Variants in MIPEP observed in about 807,000 individuals in gnomAD.
MIPEP encodes mitochondrial intermediate peptidase.
Under a neutral mutation model 90.3 loss-of-function variants are expected in MIPEP, and 79 were observed. The observed-to-expected ratio is 0.87, with a 90% confidence interval of 0.73 to 1.05. MIPEP has a LOEUF of 1.05. Among genes scored for constraint, MIPEP ranks in the 50% least tolerant of loss-of-function variants. The pLI, the probability that MIPEP is intolerant of heterozygous loss-of-function variation, is 0.00. For missense variants in MIPEP, 940 were observed against 905.6 expected (o/e 1.04, Z -0.49); for synonymous variants, 334 against 315.8 (o/e 1.06, Z -0.61).
chr13:23,784,169 C>T (rs528320836), intron 16 of MIPEP, among the ~76,000 whole-genome samples: 4 of 152,030 alleles, frequency 2.6e-5, no homozygotes, highest in South Asian at 4.2e-4. Flanking sequence ...AAAAAGAGCC[C>T]GCATTGCCAA....
intron 16 of MIPEP, among the ~76,000 whole-genome samples, chr13:23,781,938 C>T (rs2137362593): frequency 6.6e-6 from 1 of 152,268 alleles, no homozygotes; most frequent in African/African-American, 2.4e-5. Context: ...AATACAGGAG[C>T]ACCCAGATTC....
At chr13:23,737,947 T>C (rs1222241982) in intron 18 of MIPEP, among the ~76,000 whole-genome samples, 6 of 152,220 alleles carry the variant, frequency 3.9e-5, no homozygotes, top group Admixed American at 3.9e-4. Context: ...ATTTTATATA[T>C]TGCTTGACAC....
At chr13:23,740,510 A>T (rs1484117004) in intron 18 of MIPEP, among the ~76,000 whole-genome samples, 19 of 147,070 alleles carry the variant, frequency 1.3e-4, no homozygotes, top group Admixed American at 1.0e-3. Context: ...CCAGTTGATT[A>T]AAAAAAAAAA....
intron 16 of MIPEP, among the ~76,000 whole-genome samples, chr13:23,785,923 C>T (rs568297542): frequency 1.1e-4 from 16 of 152,174 alleles, no homozygotes; most frequent in Non-Finnish European, 1.8e-4. Context: ...CGAATTATAA[C>T]GATGTAGAGA....
intron 16 of MIPEP, among the ~76,000 whole-genome samples, chr13:23,792,931 G>A (rs938247760): frequency 1.3e-5 from 2 of 152,198 alleles, no homozygotes; most frequent in Non-Finnish European, 1.5e-5. Context: ...CTCCAGAATG[G>A]CTGAAGTAAA....
chr13:23,799,000 G>GTTTTTTTTTTTT (rs765292524), intron 16 of MIPEP, among the ~76,000 whole-genome samples: 3 of 88,904 alleles, frequency 3.4e-5, no homozygotes, highest in African/African-American at 4.7e-5. Context: ...AATTTTTTTG[G>GTTTTTTTTTTTT]TTTTTTTTTT....
intron 3 of MIPEP, among the ~76,000 whole-genome samples, chr13:23,880,560 T>C (rs888953873): frequency 1.3e-5 from 2 of 152,222 alleles, no homozygotes; most frequent in Non-Finnish European, 2.9e-5. Flanking sequence ...GGACACAGCA[T>C]GCAGAGAGCC....
chr13:23,745,352 C>A (rs940767541), intron 18 of MIPEP, among the ~76,000 whole-genome samples: 6 of 152,090 alleles, frequency 3.9e-5, no homozygotes, highest in Non-Finnish European at 7.4e-5. Context: ...CATAAACAAA[C>A]ACCAGAAGAT....
At chr13:23,792,184 T>C (rs566893653) in intron 16 of MIPEP, among the ~76,000 whole-genome samples, 1 of 152,290 alleles carries the variant, frequency 6.6e-6, no homozygotes, top group Admixed American at 6.5e-5. Context: ...ACTCTTGGGG[T>C]TGATCTCACC....
intron 18 of MIPEP, among the ~76,000 whole-genome samples, chr13:23,733,433 G>T (rs1277433670): frequency 2.0e-5 from 3 of 152,220 alleles, no homozygotes; most frequent in Non-Finnish European, 1.5e-5. Context: ...CTGAACCAGG[G>T]CAACCAACAG....
chr13:23,765,199 T>G (rs773476612), intron 16 of MIPEP, among the ~76,000 whole-genome samples: 6 of 152,046 alleles, frequency 3.9e-5, no homozygotes, highest in South Asian at 4.2e-4. Context: ...GCTCGGGGGG[T>G]GGGTCCTAGA....
At chr13:23,798,965 TC>T (rs1180900044) in intron 16 of MIPEP, among the ~76,000 whole-genome samples, 1 of 150,584 alleles carries the variant, frequency 6.6e-6, no homozygotes, top group Non-Finnish European at 1.5e-5. Context: ...ACATCCCTCA[TC>T]CCCTCTCTAG....
Position 23,874,891 on chromosome 13 carries a change from A to G in MIPEP, c.558T>C (p.Phe186=). The stretch of plus-strand genomic sequence containing the variant: ...TTCCACTAATTTCAAAATCAAACAT[A>G]AACAGTTCAGCCACTCGCCTATAAA... ...DPETRRVAEL[F]MFDFEISGIH... is the part of the protein sequence containing the mutation. Residue 186 remains phenylalanine (F), a synonymous_variant, in exon 5 of 19, where the codon TTT becomes TTC. Coordinates refer to ENST00000382172, the MANE Select transcript of MIPEP (RefSeq NM_005932.4). 6.2e-7 allele frequency: 1 copy of G among 1,601,090 alleles called. No homozygotes were observed. The highest frequency in any genetic ancestry group is 8.5e-7 in the Non-Finnish European group (1 of 1,175,914).
At chr13:23,785,613 TTAAAG>T (rs1952829859) in intron 16 of MIPEP, among the ~76,000 whole-genome samples, 1 of 130,400 alleles carries the variant, frequency 7.7e-6, no homozygotes, top group Non-Finnish European at 1.6e-5. Flanking sequence ...ACCCTAGAAC[TTAAAG>T]TATAATAAAA....
At chr13:23,878,953 CA>C (rs1871174803) in intron 4 of MIPEP, among the ~76,000 whole-genome samples, 1 of 152,184 alleles carries the variant, frequency 6.6e-6, no homozygotes, top group Non-Finnish European at 1.5e-5. Flanking sequence ...CAAAACAGAC[CA>C]AGCCCTACCC....
intron 9 of MIPEP, 23 bp from the exon 10 acceptor site, chr13:23,858,935 T>C (rs1870166721): frequency 1.9e-6 from 3 of 1,601,406 alleles, no homozygotes; most frequent in Non-Finnish European, 2.6e-6. Context: ...AATTCACTGT[T>C]AAGGAAAGCT....
chr13:23,837,561 G>C lies in MIPEP; in HGVS notation c.1534C>G (p.His512Asp), dbSNP rs779598020. 150 of 1,610,352 alleles carry C rather than the reference G, an allele frequency of 9.3e-5. No homozygotes were observed. Among genetic ancestry groups the C allele is most frequent in the Non-Finnish European group, 1.2e-4 (142 of 1,176,770 alleles). ...CCTCCTCATGGCTCACCAGTGACGTGTTGGTAACGAGTACGTCCTAGCATT... is the reference window on the plus strand; with the variant it reads ...CCTCCTCATGGCTCACCAGTGACGTCTTGGTAACGAGTACGTCCTAGCATT... ...HSMLGRTRYQ[H>D]VTGTRCPTDF... Residue 512 changes from histidine (H) to aspartate (D), a missense_variant, in exon 13 of 19, where the codon CAC becomes GAC. His to Asp is a moderately conservative substitution (Grantham distance 81). Transcript: ENST00000382172.
intron 4 of MIPEP, among the ~76,000 whole-genome samples, chr13:23,877,625 C>T (rs887301311): frequency 1.1e-4 from 17 of 152,172 alleles, no homozygotes. Flanking sequence ...AAGTTCTGAA[C>T]ATCTCAGAGA....
intron 18 of MIPEP, among the ~76,000 whole-genome samples, chr13:23,732,283 T>G (rs1019051295): frequency 6.6e-6 from 1 of 152,140 alleles, no homozygotes; most frequent in Non-Finnish European, 1.5e-5. Flanking sequence ...GCCACTGTGC[T>G]ACACCAAATG....
Sources: gnomAD v4.1 joint callset for allele counts (sites outside exome capture counted in the v4.1 genomes callset) on GRCh38, gnomAD v4.1.1 for gene constraint, MANE v1.5 for transcripts, NCBI Gene and HGNC (gene_info 2026-07-23, HGNC 2026-07-21) for gene names.